Variants in GPR39 observed in about 807,000 individuals in gnomAD.
GPR39 encodes the protein G protein-coupled receptor 39.
In GPR39, 23 loss-of-function variants were observed where a neutral mutation model predicts 18.4. That is an observed-to-expected ratio of 1.25 (90% CI 0.90 to 1.77). The LOEUF is 1.77. Among genes scored for constraint, GPR39 ranks in the 40% most tolerant of loss-of-function variants. The probability of loss-of-function intolerance (pLI) is 0.00; values close to 1 mark genes in which losing one functional copy is unlikely to be tolerated. For missense variants in GPR39, 647 were observed against 602.4 expected (o/e 1.07, Z -0.78); for synonymous variants, 280 against 257.9 (o/e 1.09, Z -0.82).
At chr2:132,430,616 C>A (rs978704898) in intron 1 of GPR39, among the ~76,000 whole-genome samples, 20 of 152,150 alleles carry the variant, frequency 1.3e-4, no homozygotes, top group African/African-American at 4.6e-4. Context: ...GGCATCATCC[C>A]ATCTTTGTTG....
At chr2:132,568,151 A>G (rs1680383607) in intron 1 of GPR39, among the ~76,000 whole-genome samples, 1 of 151,950 alleles carries the variant, frequency 6.6e-6, no homozygotes, top group East Asian at 1.9e-4. Context: ...TGGCATTTCA[A>G]CTCCCCTTGC....
Position 132,626,041 on chromosome 2 carries a change from A to C in GPR39, c.857-19060A>C, listed in dbSNP as rs58473859. On this transcript the variant is annotated intron_variant, in intron 1 of 1. Coordinates refer to ENST00000329321, the MANE Select transcript of GPR39 (RefSeq NM_001508.3). ...CGTGAACCTGGGTGGCGGAGGTTGC[A>C]GTGAGCCGAGACCGCACCACTGCAC... is the stretch of plus-strand genomic sequence containing the variant. Among the ~76,000 whole-genome samples, 588 of 151,804 alleles carry C rather than the reference A, an allele frequency of 3.9e-3. 3 individuals carry two copies. Among genetic ancestry groups the C allele is most frequent in the African/African-American group, 0.014 (561 of 41,402 alleles).
Position 132,595,139 on chromosome 2 carries a change from C to G in GPR39, c.857-49962C>G, listed in dbSNP as rs545605232. 9.0e-4 allele frequency among the ~76,000 whole-genome samples: 137 copies of G among 152,282 alleles called. 1 individual carries two copies. The highest frequency in any genetic ancestry group is 3.2e-3 in the African/African-American group (131 of 41,546). On this transcript the variant is annotated intron_variant, in intron 1 of 1. Transcript: ENST00000329321. Reference sequence around the variant, plus strand: ...TCAGCCTCCTGAGTAGCTGGACTTACCGGCGTACGCTACCATGCCTGGCTA... The same window carrying G: ...TCAGCCTCCTGAGTAGCTGGACTTAGCGGCGTACGCTACCATGCCTGGCTA...
At chr2:132,580,527 A>C (rs1680604701) in intron 1 of GPR39, among the ~76,000 whole-genome samples, 1 of 152,208 alleles carries the variant, frequency 6.6e-6, no homozygotes, top group Admixed American at 6.5e-5. Flanking sequence ...TATGCTAATC[A>C]CACTTACTGG....
At chr2:132,449,408 G>A (rs973463712) in intron 1 of GPR39, among the ~76,000 whole-genome samples, 24 of 152,068 alleles carry the variant, frequency 1.6e-4, no homozygotes, top group African/African-American at 5.6e-4. Flanking sequence ...CACCATGCCT[G>A]GCTAATTTTT....
chr2:132,530,189 C>T (rs957714974), intron 1 of GPR39, among the ~76,000 whole-genome samples: 1 of 151,974 alleles, frequency 6.6e-6, no homozygotes, highest in African/African-American at 2.4e-5. Context: ...AACCATGGCA[C>T]AAGAACGATG....
chr2:132,495,431 G>A (rs963798464), intron 1 of GPR39, among the ~76,000 whole-genome samples: 5 of 152,084 alleles, frequency 3.3e-5, no homozygotes, highest in African/African-American at 9.7e-5. Flanking sequence ...AACTGTGGGG[G>A]TGTCTTTGCC....
At chr2:132,464,692 C>T (rs12233255) in intron 1 of GPR39, among the ~76,000 whole-genome samples, 26,909 of 152,108 alleles carry the variant, frequency 0.18, 3,106 homozygotes, top group East Asian at 0.58. Flanking sequence ...TTTCCCCAGA[C>T]CCAGCCTGTG....
chr2:132,449,447 G>C (rs1344170398), intron 1 of GPR39, among the ~76,000 whole-genome samples: 1 of 151,984 alleles, frequency 6.6e-6, no homozygotes, highest in Non-Finnish European at 1.5e-5. Context: ...GGGTTTCACC[G>C]TGTTGTGGTC....
chr2:132,469,798 T>C (rs1397029044), intron 1 of GPR39, among the ~76,000 whole-genome samples: 1 of 152,172 alleles, frequency 6.6e-6, no homozygotes, highest in Non-Finnish European at 1.5e-5. Flanking sequence ...CTCACTTACA[T>C]GCTGGCTGGT....
At chr2:132,562,994 C>G (rs572778985) in intron 1 of GPR39, among the ~76,000 whole-genome samples, 14 of 152,310 alleles carry the variant, frequency 9.2e-5, no homozygotes, top group Middle Eastern at 3.4e-3. Flanking sequence ...TCCCAAAGAG[C>G]CTGGCAGAGC....
chr2:132,456,669 G>T (rs1227837963), intron 1 of GPR39, among the ~76,000 whole-genome samples: 3 of 152,152 alleles, frequency 2.0e-5, no homozygotes, highest in Non-Finnish European at 4.4e-5. Flanking sequence ...TGTAAGTCAG[G>T]CCTTGTGGTG....
chr2:132,624,571 C>T (rs1485630482), intron 1 of GPR39, among the ~76,000 whole-genome samples: 2 of 152,208 alleles, frequency 1.3e-5, no homozygotes, highest in Non-Finnish European at 2.9e-5. Flanking sequence ...GAAATTTCTG[C>T]TTTGTGTCCT....
chr2:132,498,762 G>A (rs963660939), intron 1 of GPR39, among the ~76,000 whole-genome samples: 4 of 152,086 alleles, frequency 2.6e-5, no homozygotes, highest in Admixed American at 2.6e-4. Flanking sequence ...GGCCATTCTT[G>A]CAGGAGCAAG....
intron 1 of GPR39, among the ~76,000 whole-genome samples, chr2:132,512,574 C>G (rs955851802): frequency 3.3e-5 from 5 of 152,296 alleles, no homozygotes; most frequent in Non-Finnish European, 5.9e-5. Flanking sequence ...TCTTTATCAG[C>G]TATGTGACCT....
At chr2:132,504,965 G>T (rs976502394) in intron 1 of GPR39, among the ~76,000 whole-genome samples, 2 of 152,182 alleles carry the variant, frequency 1.3e-5, no homozygotes, top group Admixed American at 1.3e-4. Context: ...GTTCACAGTT[G>T]GTGGAAATCT....
intron 1 of GPR39, among the ~76,000 whole-genome samples, chr2:132,455,664 G>T (rs1437313324): frequency 2.0e-5 from 3 of 152,170 alleles, no homozygotes; most frequent in Non-Finnish European, 2.9e-5. Context: ...GTGTCCCAGA[G>T]ATTCTGGTAT....
At chr2:132,463,631 T>C (rs1680872711) in intron 1 of GPR39, among the ~76,000 whole-genome samples, 1 of 152,138 alleles carries the variant, frequency 6.6e-6, no homozygotes, top group African/African-American at 2.4e-5. Flanking sequence ...ACTCAGTTTA[T>C]AAAATAAGAA....
chr2:132,476,021 A>G (rs1419347958), intron 1 of GPR39, among the ~76,000 whole-genome samples: 1 of 152,218 alleles, frequency 6.6e-6, no homozygotes. Context: ...GCCACTTAGC[A>G]GCAGCAGAGG....
Sources: allele counts gnomAD v4.1 joint callset (sites outside exome capture counted in the v4.1 genomes callset), GRCh38; gene constraint gnomAD v4.1.1; transcripts MANE v1.5; gene names NCBI Gene and HGNC (gene_info 2026-07-23, HGNC 2026-07-21).